KLHL29: variants seen among roughly 807,000 people sequenced by gnomAD.
The protein encoded by KLHL29 is kelch like family member 29.
In KLHL29, 21 loss-of-function variants were observed where a neutral mutation model predicts 80.4. The ratio of observed to expected loss-of-function variants is 0.26; its 90% CI spans 0.19 to 0.38. The LOEUF is 0.38. Among genes scored for constraint, KLHL29 ranks in the 10% least tolerant of loss-of-function variants. KLHL29 has a pLI of 1.00. For synonymous variants in KLHL29, 511 were observed against 526.8 expected (o/e 0.97, Z 0.41); for missense variants, 867 against 1,223.9 (o/e 0.71, Z 4.35).
In KLHL29 at chr2:23,703,268, G is replaced by C. The variant is rs1411150649; in HGVS notation, c.2188G>C (p.Gly730Arg). 1 of 1,548,114 alleles carries C rather than the reference G, an allele frequency of 6.5e-7. No homozygotes were observed. The highest frequency in any genetic ancestry group is 1.4e-5 in the African/African-American group (1 of 72,882). ...VHSAAATVCG[G>R]KIYVFGGVNE... ...CTCTGCTGCAGCCACAGTGTGTGGC[G>C]GCAAGATCTACGTGTTTGGTGGGGT... The change falls in exon 12 of 14, where the codon GGC (glycine) becomes CGC (arginine). Residue 730 changes from glycine to arginine, a missense_variant. Physicochemically the swap from Gly to Arg is moderately radical, Grantham distance 125. Around this residue, in one of 2 missense-constraint regions of KLHL29, gnomAD observed 443 missense variants for 767.0 expected, o/e 0.58. Coordinates refer to ENST00000486442, the MANE Select transcript of KLHL29 (RefSeq NM_052920.2).
At chr2:23,551,882 A>C (rs4665609) in intron 2 of KLHL29, among the ~76,000 whole-genome samples, 86,681 of 152,170 alleles carry the variant, frequency 0.57, 24,969 homozygotes, top group Admixed American at 0.61. Context: ...TGGCTACTGG[A>C]CTATGGACCA....
At chr2:23,547,083 A>G (rs1253080850) in intron 2 of KLHL29, among the ~76,000 whole-genome samples, 4 of 152,160 alleles carry the variant, frequency 2.6e-5, no homozygotes, top group African/African-American at 7.2e-5. Flanking sequence ...AACCCACCAC[A>G]GTGCCACAGC....
chr2:23,513,131 G>T (rs1259492324), intron 2 of KLHL29, among the ~76,000 whole-genome samples: 3 of 152,240 alleles, frequency 2.0e-5, no homozygotes, highest in African/African-American at 7.2e-5. Flanking sequence ...CTTGGAGTGG[G>T]TTCATCCTTT....
At chr2:23,574,029 G>A (rs187744374) in intron 3 of KLHL29, among the ~76,000 whole-genome samples, 5 of 152,216 alleles carry the variant, frequency 3.3e-5, no homozygotes, top group East Asian at 1.9e-4. Context: ...CTGGTCCCTC[G>A]GTCGTTCTTG....
At chr2:23,560,055 C>T (rs1667409651) in intron 2 of KLHL29, among the ~76,000 whole-genome samples, 1 of 152,102 alleles carries the variant, frequency 6.6e-6, no homozygotes, top group African/African-American at 2.4e-5. Flanking sequence ...TTGGATTTAG[C>T]GAGTAGGTCA....
chr2:23,670,917 G>GCGCGCGCTCTCT (rs150131401), intron 5 of KLHL29, among the ~76,000 whole-genome samples: 1 of 18,534 alleles, frequency 5.4e-5, no homozygotes, highest in Non-Finnish European at 1.2e-4. Flanking sequence ...ACATGCACGC[G>GCGCGCGCTCTCT]CTCTCTCTCT....
intron 1 of KLHL29, among the ~76,000 whole-genome samples, chr2:23,440,107 T>C (rs1014050334): frequency 2.8e-4 from 43 of 152,264 alleles, no homozygotes; most frequent in African/African-American, 1.0e-3. Context: ...GTTTAAAGTC[T>C]GTTTTATCAG....
At chr2:23,694,940 G>A (rs916277599) in intron 8 of KLHL29, among the ~76,000 whole-genome samples, 1 of 152,184 alleles carries the variant, frequency 6.6e-6, no homozygotes, top group African/African-American at 2.4e-5. Flanking sequence ...CTGGGTCACA[G>A]TGGTCTCTGC....
At chr2:23,434,320 C>CAAAAAA (rs34991893) in intron 1 of KLHL29, among the ~76,000 whole-genome samples, 8 of 54,908 alleles carry the variant, frequency 1.5e-4, no homozygotes, top group African/African-American at 1.6e-4. Context: ...GACTCCGTCT[C>CAAAAAA]AAAAAAAAAA....
intron 5 of KLHL29, among the ~76,000 whole-genome samples, chr2:23,648,119 A>C (rs541538957): frequency 4.6e-5 from 7 of 152,040 alleles, no homozygotes; most frequent in Non-Finnish European, 1.0e-4. Context: ...ACCCCCCGAC[A>C]CCTGACCCAC....
chr2:23,465,793 G>A (rs1664335181), intron 1 of KLHL29, among the ~76,000 whole-genome samples: 2 of 152,136 alleles, frequency 1.3e-5, no homozygotes, highest in South Asian at 2.1e-4. Context: ...CTTAAGCCCT[G>A]CTGTGAAGTC....
chr2:23,492,417 A>G (rs939009490), intron 2 of KLHL29, among the ~76,000 whole-genome samples: 16 of 151,260 alleles, frequency 1.1e-4, no homozygotes, highest in African/African-American at 3.9e-4. Flanking sequence ...CCCTGCACCC[A>G]CCCCCAGCCC....
At chr2:23,533,960 T>C (rs1666583233) in intron 2 of KLHL29, among the ~76,000 whole-genome samples, 1 of 151,342 alleles carries the variant, frequency 6.6e-6, no homozygotes, top group Admixed American at 6.6e-5. Context: ...AAGAAACGTG[T>C]GCGCTATGAG....
At chr2:23,426,877 A>G (rs1314463380) in intron 1 of KLHL29, among the ~76,000 whole-genome samples, 1 of 152,220 alleles carries the variant, frequency 6.6e-6, no homozygotes, top group Non-Finnish European at 1.5e-5. Flanking sequence ...TGAAGTACAC[A>G]TGACGCACCC....
intron 2 of KLHL29, among the ~76,000 whole-genome samples, chr2:23,539,808 T>A (rs1653781): frequency 0.75 from 113,532 of 152,028 alleles, 43,195 homozygotes; most frequent in East Asian, 0.9. Context: ...CAGCCACTTC[T>A]TGGCAGTCTC....
chr2:23,543,632 T>C (rs1374171570), intron 2 of KLHL29, among the ~76,000 whole-genome samples: 1 of 152,182 alleles, frequency 6.6e-6, no homozygotes, highest in African/African-American at 2.4e-5. Flanking sequence ...AACAAGCAGA[T>C]TAGAAGTCAG....
Position 23,704,692 on chromosome 2 carries a change from G to A in KLHL29, c.2444+829G>A, listed in dbSNP as rs55997216. Among the ~76,000 whole-genome samples the A allele has an allele frequency of 3.5e-3, 530 of 152,260 alleles. 2 individuals are homozygous for A. Among genetic ancestry groups the A allele is most frequent in the Non-Finnish European group, 6.0e-3 (408 of 68,028 alleles). ...TGAGGCAGGAGAATCGCTTGAACCCGGGAGGCGGAGGTTGCAGTGAGCCGA... is the reference window on the plus strand; with the variant it reads ...TGAGGCAGGAGAATCGCTTGAACCCAGGAGGCGGAGGTTGCAGTGAGCCGA... On this transcript the variant is annotated intron_variant, in intron 13 of 13. Transcript: ENST00000486442.
chr2:23,706,768 A>G lies in KLHL29; in HGVS notation c.*104A>G, dbSNP rs895990394. On this transcript the variant is annotated 3_prime_UTR_variant, in exon 14 of 14. Coordinates refer to ENST00000486442, the MANE Select transcript of KLHL29 (RefSeq NM_052920.2). ...ACCAACAAGAGGCCAACAAAACACAATCAAGGAACTCACTGCGCTCAACAT... is the reference window on the plus strand; with the variant it reads ...ACCAACAAGAGGCCAACAAAACACAGTCAAGGAACTCACTGCGCTCAACAT... 1 of 740,816 alleles carries G rather than the reference A, an allele frequency of 1.3e-6. No homozygotes were observed. The allele number at this position is 740,816 out of a possible 1,614,324, so 45.9% of individuals were successfully genotyped here. A position where few individuals can be genotyped will look rare whatever the true frequency, so the allele number is the denominator to read the frequency against.
chr2:23,403,726 A>AGTGT lies in KLHL29; in HGVS notation c.-154+17982_-154+17985dup, dbSNP rs36116395. Among the ~76,000 whole-genome samples, 1,054 of 144,092 alleles carry AGTGT rather than the reference A, an allele frequency of 7.3e-3. 11 individuals carry two copies. Among genetic ancestry groups the AGTGT allele is most frequent in the Middle Eastern group, 0.017 (5 of 294 alleles). 94.5% of individuals were successfully genotyped at this position (144,092 alleles called of 152,430 possible). ...ATGAAACCCAAAGAGAGAGAGAGAGAGTGTGTGTGTGTGTGTGTGTGTGTG... is the reference window on the plus strand; with the variant it reads ...ATGAAACCCAAAGAGAGAGAGAGAGAGTGTGTGTGTGTGTGTGTGTGTGTGTGTG... On this transcript the variant is annotated intron_variant, in intron 1 of 13. Coordinates refer to ENST00000486442, the MANE Select transcript of KLHL29 (RefSeq NM_052920.2).
Sources: gnomAD v4.1 joint callset for allele counts (sites outside exome capture counted in the v4.1 genomes callset) on GRCh38, gnomAD v4.1.1 for gene constraint, gnomAD v4.1.1 regional missense constraint, MANE v1.5 for transcripts, NCBI Gene and HGNC (gene_info 2026-07-23, HGNC 2026-07-21) for gene names.